Variants in DSCAM observed in about 807,000 individuals in gnomAD.
The protein encoded by DSCAM is DS cell adhesion molecule.
DSCAM carries 47 observed loss-of-function variants against 217.7 expected under a neutral mutation model. The ratio of observed to expected loss-of-function variants is 0.22; its 90% CI spans 0.17 to 0.28. The LOEUF is 0.28. Among genes scored for constraint, DSCAM ranks in the 10% least tolerant of loss-of-function variants. The probability of loss-of-function intolerance (pLI) is 1.00; values close to 1 mark genes in which losing one functional copy is unlikely to be tolerated. For missense variants in DSCAM, 2,080 were observed against 2,618.3 expected, an observed-to-expected ratio of 0.79 and a Z score of 4.49; for synonymous variants, 1,056 against 1,015.3, an observed-to-expected ratio of 1.04 and a Z score of -0.76.
intron 1 of DSCAM, among the ~76,000 whole-genome samples, chr21:40,715,991 T>G (rs1206813132): frequency 6.6e-6 from 1 of 152,228 alleles, no homozygotes; most frequent in African/African-American, 2.4e-5. Flanking sequence ...ATTGAAAATC[T>G]CATTCCACAA....
chr21:40,014,227 C>A (rs1337176729), intron 32 of DSCAM, among the ~76,000 whole-genome samples: 2 of 152,150 alleles, frequency 1.3e-5, no homozygotes, highest in African/African-American at 4.8e-5. Context: ...CCCCTCTCTA[C>A]TAAAAATACA....
intron 30 of DSCAM, among the ~76,000 whole-genome samples, chr21:40,047,312 G>A (rs1380834040): frequency 6.6e-6 from 1 of 152,008 alleles, no homozygotes; most frequent in South Asian, 2.1e-4. Flanking sequence ...AGCCTTTTTT[G>A]TGTAACTTAC....
intron 3 of DSCAM, among the ~76,000 whole-genome samples, chr21:40,551,904 G>C (rs1281007356): frequency 1.3e-5 from 2 of 152,064 alleles, no homozygotes; most frequent in African/African-American, 4.8e-5. Flanking sequence ...GGTTTCCTTG[G>C]GTCCCTTTGG....
chr21:40,358,295 C>T lies in DSCAM; in HGVS notation c.656-4552G>A, dbSNP rs547892239. ...TGACATTTTTAAAAAATGGCTGAGA[C>T]AACTGGATATCCACATGGAAAATAA... On this transcript the variant is annotated intron_variant, in intron 4 of 32. Transcript: ENST00000400454. Among the ~76,000 whole-genome samples the T allele has an allele frequency of 5.3e-5, 8 of 152,264 alleles. No homozygotes were observed. The East Asian group carries it at 1.5e-3, about 29-fold the overall frequency.
intron 1 of DSCAM, among the ~76,000 whole-genome samples, chr21:40,755,238 G>A (rs1187768657): frequency 6.6e-6 from 1 of 152,106 alleles, no homozygotes; most frequent in Non-Finnish European, 1.5e-5. Context: ...ATGAGGTCAG[G>A]AGTTCAAGGC....
Position 40,382,354 on chromosome 21 carries a change from A to G in DSCAM, c.509-13109T>C, listed in dbSNP as rs2837593. On this transcript the variant is annotated intron_variant, in intron 3 of 32. Coordinates refer to ENST00000400454, the MANE Select transcript of DSCAM (RefSeq NM_001389.5). ...CTATGTCCTATCAGTTCTATTTTCAAAGTATATCTTGTATCATTTCCTTGG... is the reference window on the plus strand; with the variant it reads ...CTATGTCCTATCAGTTCTATTTTCAGAGTATATCTTGTATCATTTCCTTGG... 1.8e-3 allele frequency among the ~76,000 whole-genome samples: 269 copies of G among 151,972 alleles called. 5 individuals carry two copies. Among genetic ancestry groups the G allele is most frequent in the Admixed American group, 0.015 (234 of 15,250 alleles).
intron 1 of DSCAM, among the ~76,000 whole-genome samples, chr21:40,840,475 T>C (rs2092091475): frequency 6.6e-6 from 1 of 152,152 alleles, no homozygotes; most frequent in Non-Finnish European, 1.5e-5. Flanking sequence ...TTTTAAATCA[T>C]GCCATTTAGC....
At chr21:40,787,055 C>A (rs1025972730) in intron 1 of DSCAM, among the ~76,000 whole-genome samples, 6 of 152,190 alleles carry the variant, frequency 3.9e-5, no homozygotes, top group African/African-American at 1.4e-4. Flanking sequence ...AATCATTGAA[C>A]ATGGACACAG....
chr21:40,013,486 A>G, intron 32 of DSCAM, 100 bp from the exon 33 acceptor site: 1 of 820,096 alleles, frequency 1.2e-6, no homozygotes, highest in Admixed American at 3.4e-5. Flanking sequence ...TTTAGAGATG[A>G]GAATGCCGCT....
chr21:40,625,829 C>T (rs558049944), intron 3 of DSCAM, among the ~76,000 whole-genome samples: 1 of 152,294 alleles, frequency 6.6e-6, no homozygotes, highest in Admixed American at 6.5e-5. Flanking sequence ...TTCTCCTTTA[C>T]TACTGCTCCA....
chr21:40,479,363 GT>G (rs1490791938), intron 3 of DSCAM, among the ~76,000 whole-genome samples: 6 of 152,116 alleles, frequency 3.9e-5, no homozygotes, highest in African/African-American at 1.2e-4. Flanking sequence ...GCTCATCTAT[GT>G]TTTCTGATAT....
chr21:40,280,357 T>G (rs1192459729), intron 10 of DSCAM, among the ~76,000 whole-genome samples: 1 of 151,924 alleles, frequency 6.6e-6, no homozygotes, highest in Non-Finnish European at 1.5e-5. Context: ...CCGCTAGGCC[T>G]TTAAAAATTT....
At chr21:40,411,175 T>TACAAAC (rs2075319877) in intron 3 of DSCAM, among the ~76,000 whole-genome samples, 1 of 45,106 alleles carries the variant, frequency 2.2e-5, no homozygotes, top group South Asian at 7.5e-4. Context: ...AGTAATTATA[T>TACAAAC]ACACACACAC....
At chr21:40,145,801 C>T (rs2090348317) in intron 16 of DSCAM, among the ~76,000 whole-genome samples, 2 of 151,944 alleles carry the variant, frequency 1.3e-5, no homozygotes, top group South Asian at 4.2e-4. Context: ...GCTGAGATTG[C>T]CCCACTGCAC....
At chr21:40,308,921 G>T (rs949464391) in intron 9 of DSCAM, among the ~76,000 whole-genome samples, 2 of 152,078 alleles carry the variant, frequency 1.3e-5, no homozygotes, top group Non-Finnish European at 2.9e-5. Context: ...TTCACACCAT[G>T]GTTGTTATTA....
chr21:40,484,144 T>C (rs1490057431), intron 3 of DSCAM, among the ~76,000 whole-genome samples: 1 of 152,178 alleles, frequency 6.6e-6, no homozygotes, highest in East Asian at 1.9e-4. Context: ...ATAAACAAAG[T>C]CCACATCCAA....
At chr21:40,432,313 G>A (rs920082947) in intron 3 of DSCAM, among the ~76,000 whole-genome samples, 10 of 152,146 alleles carry the variant, frequency 6.6e-5, no homozygotes, top group African/African-American at 2.4e-4. Flanking sequence ...GGCTTCAGTG[G>A]AGAATCTGTT....
chr21:40,562,311 C>T (rs1477639573), intron 3 of DSCAM, among the ~76,000 whole-genome samples: 2 of 152,158 alleles, frequency 1.3e-5, no homozygotes, highest in Admixed American at 1.3e-4. Context: ...CTCACATGCT[C>T]TCTCACCTTC....
intron 18 of DSCAM, among the ~76,000 whole-genome samples, chr21:40,135,945 A>G (rs1230781473): frequency 6.6e-6 from 1 of 152,240 alleles, no homozygotes; most frequent in African/African-American, 2.4e-5. Flanking sequence ...AAGGGGCTCC[A>G]TGTGGCTCCC....
Sources: gnomAD v4.1 joint callset for allele counts (sites outside exome capture counted in the v4.1 genomes callset) on GRCh38, gnomAD v4.1.1 for gene constraint, MANE v1.5 for transcripts, NCBI Gene and HGNC (gene_info 2026-07-23, HGNC 2026-07-21) for gene names.